Variants in EPHB2 observed in about 807,000 individuals in gnomAD.
EPHB2 encodes the protein ephrin type-B receptor 2.
A neutral mutation model predicts 96.4 loss-of-function variants in EPHB2; 18 were observed. The observed-to-expected ratio is 0.19, with a 90% CI of 0.13 to 0.28. EPHB2 has a LOEUF of 0.28. EPHB2 is among the 10% of genes least tolerant of loss of function. The pLI is 1.00. For synonymous variants in EPHB2, 506 were observed against 534.1 expected, an observed-to-expected ratio of 0.95 and a Z score of 0.72; for missense variants, 989 against 1,355.4, an observed-to-expected ratio of 0.73 and a Z score of 4.25.
intron 1 of EPHB2, among the ~76,000 whole-genome samples, chr1:22,757,908 C>CTTTTTTTT (rs1224799943): frequency 1.8e-5 from 1 of 54,136 alleles, no homozygotes; most frequent in African/African-American, 7.3e-5. Context: ...GTAAGCTATG[C>CTTTTTTTT]TTTTTTTTTT....
At chr1:22,780,460 T>C (rs1321918661) in intron 1 of EPHB2, among the ~76,000 whole-genome samples, 1 of 152,156 alleles carries the variant, frequency 6.6e-6, no homozygotes, top group Non-Finnish European at 1.5e-5. Context: ...CAGAGTTGCC[T>C]GAGCCCTGGG....
At position 22,896,428 on chromosome 1, in the gene EPHB2, G is replaced by A. The variant is rs772642109; in HGVS notation, c.1715G>A (p.Arg572His). 3.2e-5 allele frequency: 52 copies of A among 1,614,012 alleles called. No homozygotes were observed. The highest frequency in any genetic ancestry group is 2.7e-4 in the East Asian group (12 of 44,882). Residue 572 changes from arginine to histidine, a missense_variant, in exon 9 of 16, where the codon CGT becomes CAT. Coordinates refer to ENST00000374630, the MANE Select transcript of EPHB2 (RefSeq NM_017449.5). ...TGTTCCAGAAGACGGGGGTTTGAGC[G>A]TGCTGACTCGGAGTACACGGACAAG... is the stretch of plus-strand genomic sequence containing the variant. ...AIVCNRRGFE[R>H]ADSEYTDKLQ... is the part of the protein sequence containing the mutation.
intron 1 of EPHB2, among the ~76,000 whole-genome samples, chr1:22,771,543 T>C (rs1235353123): frequency 1.3e-5 from 2 of 152,198 alleles, no homozygotes; most frequent in Non-Finnish European, 2.9e-5. Context: ...CTGCCTTCAT[T>C]AGCCAGCCTG....
At position 22,884,574 on chromosome 1, in the gene EPHB2, C is replaced by T. The variant is rs368241442; in HGVS notation, c.1428+2091C>T. ...GACGGAGGTTGCAGTGAGCCAAGAT[C>T]GCACCACTGCACTCCAGCCTGGGTG... On this transcript the variant is annotated intron_variant, in intron 6 of 15. Coordinates refer to ENST00000374630, the MANE Select transcript of EPHB2 (RefSeq NM_017449.5). Among the ~76,000 whole-genome samples the T allele has an allele frequency of 1.3e-4, 19 of 142,626 alleles. No individual in the cohort carries two copies. In the South Asian group the frequency reaches 4.2e-3, roughly 31 times the overall value. 93.6% of individuals were successfully genotyped at this position (142,626 alleles called of 152,430 possible).
At chr1:22,810,202 A>C (rs554160109) in intron 3 of EPHB2, among the ~76,000 whole-genome samples, 53 of 152,214 alleles carry the variant, frequency 3.5e-4, no homozygotes, top group Middle Eastern at 6.8e-3. Context: ...CCAAGAAGAG[A>C]CACAGGAGAT....
chr1:22,813,928 G>A (rs112960275), intron 3 of EPHB2, among the ~76,000 whole-genome samples: 3,429 of 152,196 alleles, frequency 0.023, 143 homozygotes, highest in African/African-American at 0.076. Flanking sequence ...TAATCCCATC[G>A]CTTTGGGAGG....
chr1:22,914,064 C>T lies in EPHB2; in HGVS notation c.*494C>T. 1.4e-6 allele frequency: 1 copy of T among 693,630 alleles called. No individual in the cohort carries two copies. Among genetic ancestry groups the T allele is most frequent in the East Asian group, 2.9e-5 (1 of 35,030 alleles). 43.0% of individuals were successfully genotyped at this position (693,630 alleles called of 1,614,324 possible). On this transcript the variant is annotated 3_prime_UTR_variant, in exon 16 of 16. Transcript: ENST00000374630. ...TAGGCCTCACTCAACAACCAAGCGC[C>T]TGGAGGACGGGACAGATGGACAGAC...
chr1:22,820,782 CA>C (rs1645142259), intron 3 of EPHB2, among the ~76,000 whole-genome samples: 1 of 152,146 alleles, frequency 6.6e-6, no homozygotes. Context: ...GGAACTACAC[CA>C]AGAAGTATTT....
chr1:22,713,556 A>G (rs1186381284), intron 1 of EPHB2, among the ~76,000 whole-genome samples: 2 of 152,098 alleles, frequency 1.3e-5, no homozygotes, highest in African/African-American at 4.8e-5. Flanking sequence ...CCAGGGATGG[A>G]CGGTGCTGCC....
chr1:22,756,138 G>C (rs34927145), intron 1 of EPHB2, among the ~76,000 whole-genome samples: 1 of 152,156 alleles, frequency 6.6e-6, no homozygotes, highest in Non-Finnish European at 1.5e-5. Context: ...GGTCCATCAG[G>C]CTGGAAGGGG....
At chr1:22,877,324 G>A (rs1246642126) in intron 5 of EPHB2, among the ~76,000 whole-genome samples, 1 of 152,226 alleles carries the variant, frequency 6.6e-6, no homozygotes, top group Non-Finnish European at 1.5e-5. Flanking sequence ...AGGGTTGATA[G>A]GAGCATGAAG....
rs1212127796 is a variant in EPHB2 at position 22,860,343 on chromosome 1, A to T, written c.812-2694A>T. Among the ~76,000 whole-genome samples, 1 of 152,046 alleles carries T rather than the reference A, an allele frequency of 6.6e-6. No homozygotes were observed. Among genetic ancestry groups the T allele is most frequent in the Non-Finnish European group, 1.5e-5 (1 of 68,012 alleles). On this transcript the variant is annotated intron_variant, in intron 3 of 15. Coordinates refer to ENST00000374630, the MANE Select transcript of EPHB2 (RefSeq NM_017449.5). The surrounding 1 kb of genome is among the most constrained non-coding windows in gnomAD (Gnocchi z 4.6). ...CTAGTAATTGATTGGCTGTGGGGGG[A>T]CAGGGTGGAGAGTGATGCCACTTCC...
chr1:22,811,296 G>C (rs762777408), intron 3 of EPHB2, among the ~76,000 whole-genome samples: 6 of 152,148 alleles, frequency 3.9e-5, no homozygotes, highest in Non-Finnish European at 8.8e-5. Flanking sequence ...CTCTGCATTA[G>C]GTCCAGATTC....
Position 22,775,372 on chromosome 1 carries a change from C to T in EPHB2, c.62-6049C>T, listed in dbSNP as rs1644435630. 4 of 696,192 alleles carry T rather than the reference C, an allele frequency of 5.7e-6. No homozygotes were observed. The African/African-American group carries it at 7.1e-5, about 12-fold the overall frequency. The allele number at this position is 696,192 out of a possible 1,614,324, so 43.1% of individuals were successfully genotyped here. ...GGCCAGCGCTTGGCATGTATAGGTGCTTAATGAAAGTTTCTTCTTCATGAC... is the reference window on the plus strand; with the variant it reads ...GGCCAGCGCTTGGCATGTATAGGTGTTTAATGAAAGTTTCTTCTTCATGAC... On this transcript the variant is annotated intron_variant, in intron 1 of 15. Coordinates refer to ENST00000374630, the MANE Select transcript of EPHB2 (RefSeq NM_017449.5).
intron 1 of EPHB2, among the ~76,000 whole-genome samples, chr1:22,756,945 C>T (rs1267655858): frequency 6.6e-6 from 1 of 152,144 alleles, no homozygotes; most frequent in Non-Finnish European, 1.5e-5. Flanking sequence ...GCATCTGTGC[C>T]TCTATAAATA....
At chr1:22,834,523 A>G (rs1186970604) in intron 3 of EPHB2, among the ~76,000 whole-genome samples, 3 of 152,176 alleles carry the variant, frequency 2.0e-5, no homozygotes, top group East Asian at 3.8e-4. Context: ...GGGTTTTACA[A>G]TCTCTGTTGC....
chr1:22,739,346 A>G (rs918275600), intron 1 of EPHB2, among the ~76,000 whole-genome samples: 5 of 152,020 alleles, frequency 3.3e-5, no homozygotes, highest in Non-Finnish European at 5.9e-5. Flanking sequence ...CCCCCAAGTA[A>G]TAGGGACCGC....
intron 1 of EPHB2, among the ~76,000 whole-genome samples, chr1:22,780,515 C>G (rs1644513703): frequency 6.6e-6 from 1 of 152,144 alleles, no homozygotes; most frequent in African/African-American, 2.4e-5. Context: ...CTCCAGGTTT[C>G]TAGAGAAAGG....
chr1:22,753,549 C>T (rs1286377467), intron 1 of EPHB2, among the ~76,000 whole-genome samples: 3 of 152,216 alleles, frequency 2.0e-5, no homozygotes, highest in East Asian at 3.9e-4. Context: ...TCCCATGAGC[C>T]GAGTCGGAAG....
Sources: allele counts gnomAD v4.1 joint callset (sites outside exome capture counted in the v4.1 genomes callset), GRCh38; gene constraint gnomAD v4.1.1; non-coding constraint Gnocchi (gnomAD v3.1); transcripts MANE v1.5; gene names NCBI Gene and HGNC (gene_info 2026-07-23, HGNC 2026-07-21).